PRPH2: variants seen among roughly 807,000 people sequenced by gnomAD.
PRPH2 encodes the protein peripherin-2.
Under a neutral mutation model 31.3 loss-of-function variants are expected in PRPH2, and 17 were observed. The observed-to-expected ratio is 0.54, with a 90% CI of 0.37 to 0.81. The LOEUF is 0.81. Among genes scored for constraint, PRPH2 ranks in the 40% least tolerant of loss-of-function variants. The probability of loss-of-function intolerance (pLI) is 0.00; values close to 1 mark genes in which losing one functional copy is unlikely to be tolerated. For missense variants in PRPH2, 430 were observed against 439.7 expected (o/e 0.98, Z 0.20); for synonymous variants, 165 against 184.4 (o/e 0.89, Z 0.85).
chr6:42,700,379 G>C (rs1800025212), intron 2 of PRPH2, among the ~76,000 whole-genome samples: 1 of 152,206 alleles, frequency 6.6e-6, no homozygotes, highest in African/African-American at 2.4e-5. Flanking sequence ...ACAAGAGGAT[G>C]AAGCTGCTCC....
rs755239769 is a variant in PRPH2, at chr6:42,722,149, G to T, written c.186C>A (p.Asn62Lys). The change falls in exon 1 of 3, where the codon AAC (asparagine) becomes AAA (lysine). Residue 62 changes from asparagine to lysine, a missense_variant. Coordinates refer to ENST00000230381, the MANE Select transcript of PRPH2 (RefSeq NM_000322.5). This position sits in a 1 kb window ranked among gnomAD's most constrained non-coding sequence, Gnocchi z 4.4. ...ATAGCACCCCCATCCCTATCAATGA[G>T]TTGGGCACAAAATGGCTCTCAGAAT... ...MNNSESHFVP[N>K]SLIGMGVLSC... 1.9e-6 allele frequency: 3 copies of T among 1,614,174 alleles called. No homozygotes were observed. In the Admixed American group the frequency reaches 5.0e-5, roughly 27 times the overall value.
chr6:42,705,631 T>TATATATATATATATATA (rs1562424355), intron 1 of PRPH2, among the ~76,000 whole-genome samples: 40 of 126,494 alleles, frequency 3.2e-4, no homozygotes, highest in Non-Finnish European at 5.2e-4. Flanking sequence ...TATATATATA[T>TATATATATATATATATA]TTGTGCACTT....
At chr6:42,699,614 T>C (rs1212301387) in intron 2 of PRPH2, among the ~76,000 whole-genome samples, 1 of 152,136 alleles carries the variant, frequency 6.6e-6, no homozygotes, top group African/African-American at 2.4e-5. Flanking sequence ...CCAAGTGCAA[T>C]GGTGCATGCC....
rs1293499720 is a variant in PRPH2, at chr6:42,721,672, G to C, written c.581+82C>G. On this transcript the variant is annotated intron_variant, in intron 1 of 2. Transcript: ENST00000230381. ...TGGAGAGGAAAAGGCACTGGGTGCG[G>C]GGAGAGGGGCTGGTCAGAGGCCTGA... 4.6e-6 allele frequency: 7 copies of C among 1,516,202 alleles called. No individual in the cohort carries two copies. In the African/African-American group the frequency reaches 6.8e-5, roughly 15 times the overall value. The allele number at this position is 1,516,202 out of a possible 1,614,324, so 93.9% of individuals were successfully genotyped here.
rs570635778 is a variant in PRPH2, at chr6:42,696,930, G to A, written c.*1365C>T. The stretch of plus-strand genomic sequence containing the variant: ...TATTTTCTCTACACTGAAGTTCTTA[G>A]GACAGCAGAGAACCCAAACTCAGTC... On this transcript the variant is annotated 3_prime_UTR_variant, in exon 3 of 3. Coordinates refer to ENST00000230381, the MANE Select transcript of PRPH2 (RefSeq NM_000322.5). 1 of 152,088 alleles carries A rather than the reference G, an allele frequency of 6.6e-6. No homozygotes were observed. The highest frequency in any genetic ancestry group is 2.1e-4 in the South Asian group (1 of 4,800). 9.4% of individuals were successfully genotyped at this position (152,088 alleles called of 1,614,324 possible). A position where few individuals can be genotyped will look rare whatever the true frequency, so the allele number is the denominator to read the frequency against.
intron 2 of PRPH2, among the ~76,000 whole-genome samples, chr6:42,701,468 T>C (rs394653): frequency 0.77 from 117,004 of 151,618 alleles, 45,271 homozygotes; most frequent in East Asian, 0.87. Context: ...CTATGTTGCC[T>C]GGGCTGGTCT....
chr6:42,720,845 G>A (rs1003113563), intron 1 of PRPH2, among the ~76,000 whole-genome samples: 12 of 152,220 alleles, frequency 7.9e-5, no homozygotes, highest in African/African-American at 2.7e-4. Context: ...TCGAGCCCCA[G>A]GTTGGTGGGT....
chr6:42,717,042 AG>A (rs1761801380), intron 1 of PRPH2, among the ~76,000 whole-genome samples: 2 of 132,696 alleles, frequency 1.5e-5, no homozygotes, highest in South Asian at 4.7e-4. Context: ...CCTGGCCTCA[AG>A]GGATCCTCCT....
rs200610594 is a variant in PRPH2 at position 42,716,608 on chromosome 6, G to GT, written c.581+5145dup. The stretch of plus-strand genomic sequence containing the variant: ...AATTTTTTTTGTTTGGTTTGGTTTG[G>GT]TTGGTTTTTTTTTTTTTTTTTTTTT... On this transcript the variant is annotated intron_variant, in intron 1 of 2. Transcript: ENST00000230381. 1.4e-3 allele frequency among the ~76,000 whole-genome samples: 170 copies of GT among 121,500 alleles called. 1 individual carries two copies. Among genetic ancestry groups the GT allele is most frequent in the African/African-American group, 5.4e-3 (162 of 29,852 alleles). 79.7% of individuals were successfully genotyped at this position (121,500 alleles called of 152,430 possible). A position where few individuals can be genotyped will look rare whatever the true frequency, so the allele number is the denominator to read the frequency against.
intron 1 of PRPH2, 88 bp downstream of exon 1, chr6:42,721,666 G>A (rs879134790): frequency 6.8e-7 from 1 of 1,476,300 alleles, no homozygotes; most frequent in East Asian, 2.3e-5. Context: ...AAAGGCACTG[G>A]GTGCGGGGAG....
chr6:42,721,124 T>C (rs1761894648), intron 1 of PRPH2, among the ~76,000 whole-genome samples: 1 of 152,138 alleles, frequency 6.6e-6, no homozygotes, highest in South Asian at 2.1e-4. Context: ...TCTATTCCAG[T>C]GCTCATTTAA....
intron 1 of PRPH2, among the ~76,000 whole-genome samples, chr6:42,706,688 A>G (rs915035788): frequency 3.3e-5 from 5 of 152,180 alleles, no homozygotes; most frequent in African/African-American, 4.8e-5. Context: ...ACTGTTTCCA[A>G]TAGAGATTAT....
rs1388664298 is a variant in PRPH2 at position 42,706,405 on chromosome 6, AAAAAAAATAAAAATAAAAAAT to A, written c.582-1815_582-1795del. ...GGGCGACACAGTGAGACTCTGTCTCAAAAAAAATAAAAATAAAAAATAAAAAAATAAAAATAAAAATACAAA... is the reference window on the plus strand; with the variant it reads ...GGGCGACACAGTGAGACTCTGTCTCAAAAAAAATAAAAATAAAAATACAAA... On this transcript the variant is annotated intron_variant, in intron 1 of 2. Coordinates refer to ENST00000230381, the MANE Select transcript of PRPH2 (RefSeq NM_000322.5). Among the ~76,000 whole-genome samples the A allele has an allele frequency of 7.9e-5, 12 of 151,498 alleles. No homozygotes were observed. The South Asian group carries it at 1.7e-3, about 21-fold the overall frequency.
chr6:42,713,947 AGAC>A (rs1470617717), intron 1 of PRPH2, among the ~76,000 whole-genome samples: 6 of 137,030 alleles, frequency 4.4e-5, no homozygotes, highest in Admixed American at 7.5e-5. Context: ...AAAAAAAAAA[AGAC>A]AGGGAAAGAC....
Position 42,722,111 on chromosome 6 carries a change from T to G in PRPH2, c.224A>C (p.Asn75Thr). 1 of 1,613,948 alleles carries G rather than the reference T, an allele frequency of 6.2e-7. No individual in the cohort carries two copies. Among genetic ancestry groups the G allele is most frequent in the Non-Finnish European group, 8.5e-7 (1 of 1,179,958 alleles). ...GTAGCAGATCTTCCCAGCCAGCGAG[T>G]TGAAGACACAGGATAGCACCCCCAT... ...IGMGVLSCVF[N>T]SLAGKICYDA... The change falls in exon 1 of 3, where the codon AAC becomes ACC. Residue 75 changes from asparagine to threonine, a missense_variant. Coordinates refer to ENST00000230381, the MANE Select transcript of PRPH2 (RefSeq NM_000322.5). The surrounding 1 kb of genome is among the most constrained non-coding windows in gnomAD (Gnocchi z 4.4).
chr6:42,698,471 A>ACGTCT lies in PRPH2; in HGVS notation c.860_864dup (p.Ser289ArgfsTer37). 6.2e-7 allele frequency: 1 copy of ACGTCT among 1,614,146 alleles called. No individual in the cohort carries two copies. Among genetic ancestry groups the ACGTCT allele is most frequent in the Non-Finnish European group, 8.5e-7 (1 of 1,180,030 alleles). On this transcript the variant is annotated frameshift_variant, in exon 3 of 3. Transcript: ENST00000230381. LOFTEE classifies it high-confidence loss of function. Reference sequence around the variant, plus strand: ...TCGGGGTTGGACACACCATCCAGCGACGTCTGTAGGTAGCGCAGCCCAATT... The same window carrying ACGTCT: ...TCGGGGTTGGACACACCATCCAGCGACGTCTCGTCTGTAGGTAGCGCAGCCCAATT...
chr6:42,698,646 C>T (rs1717159975), intron 2 of PRPH2, 139 bp from the exon 3 acceptor site: 6 of 1,234,220 alleles, frequency 4.9e-6, no homozygotes, highest in Non-Finnish European at 6.9e-6. Flanking sequence ...TTGGTGACAG[C>T]CTGCCCCACG....
Position 42,722,411 on chromosome 6 carries a change from C to G in PRPH2, c.-77G>C. On this transcript the variant is annotated 5_prime_UTR_variant, in exon 1 of 3. Transcript: ENST00000230381. This position sits in a 1 kb window ranked among gnomAD's most constrained non-coding sequence, Gnocchi z 4.4. ...ACCTTAACGAGCCCAGAGGCGGAGA[C>G]TTAGGGCCTTGGGAAAAGTGCAGAT... 1 of 1,585,938 alleles carries G rather than the reference C, an allele frequency of 6.3e-7. No individual in the cohort carries two copies. Among genetic ancestry groups the G allele is most frequent in the Non-Finnish European group, 8.5e-7 (1 of 1,171,422 alleles).
chr6:42,705,583 AAAAAAAAAAAAAAAAAATATATAT>A (rs1300336236), intron 1 of PRPH2, among the ~76,000 whole-genome samples: 4,355 of 59,098 alleles, frequency 0.074, 290 homozygotes, highest in Middle Eastern at 0.15. Context: ...CTAAAAAAAA[AAAAAAAAAAAAAAAAAATATATAT>A]ATATATATAT....
Sources: allele counts gnomAD v4.1 joint callset (sites outside exome capture counted in the v4.1 genomes callset), GRCh38; gene constraint gnomAD v4.1.1; non-coding constraint Gnocchi (gnomAD v3.1); transcripts MANE v1.5; gene names NCBI Gene and HGNC (gene_info 2026-07-23, HGNC 2026-07-21).